The following C3orf49 variants were observed in gnomAD, a reference collection of about 807,000 sequenced individuals.
C3orf49 encodes putative uncharacterized protein C3orf49.
Under a neutral mutation model 13.3 loss-of-function variants are expected in C3orf49, and 27 were observed. The observed-to-expected ratio is 2.02, with a 90% CI of 1.49 to 2.79. The LOEUF (loss-of-function observed/expected upper bound fraction) is 2.79, where lower values mean the gene tolerates loss of function less well. C3orf49 is among the 30% of genes most tolerant of loss of function. The probability of loss-of-function intolerance (pLI) is 0.00; values close to 1 mark genes in which losing one functional copy is unlikely to be tolerated. For synonymous variants in C3orf49, 87 were observed against 47.6 expected (o/e 1.83, Z -3.40); for missense variants, 242 against 134.2 (o/e 1.80, Z -3.97).
In C3orf49 at chr3:63,825,984, G is replaced by T. The variant is rs571439471; in HGVS notation, c.446-1617G>T. On this transcript the variant is annotated intron_variant, in intron 2 of 6. Transcript: ENST00000295896. ...TAAAGATGGCTTACACAAGGTGGAGGGGGGAGAACAGTTTCCCAGGAATAA... is the reference window on the plus strand; with the variant it reads ...TAAAGATGGCTTACACAAGGTGGAGTGGGGAGAACAGTTTCCCAGGAATAA... Among the ~76,000 whole-genome samples, 25 of 152,286 alleles carry T rather than the reference G, an allele frequency of 1.6e-4. No homozygotes were observed. In the South Asian group the frequency reaches 5.0e-3, roughly 30 times the overall value.
At chr3:63,844,791 T>A (rs2107138953) in intron 5 of C3orf49, among the ~76,000 whole-genome samples, 1 of 152,334 alleles carries the variant, frequency 6.6e-6, no homozygotes, top group East Asian at 1.9e-4. Flanking sequence ...GATCTTGAAT[T>A]TCCCACCCTC....
chr3:63,816,834 G>A (rs1255085869), upstream of C3orf49, among the ~76,000 whole-genome samples: 1 of 140,862 alleles, frequency 7.1e-6, no homozygotes, highest in East Asian at 2.2e-4. Context: ...GTGCAGTGGC[G>A]CGATCTCGGC....
chr3:63,816,596 CAACA>C (rs1701326812), upstream of C3orf49, among the ~76,000 whole-genome samples: 2 of 150,832 alleles, frequency 1.3e-5, no homozygotes, highest in African/African-American at 2.4e-5. Context: ...ACAACAACAA[CAACA>C]AACAAACCAA....
At chr3:63,808,042 G>C in the C3orf49 span, among the ~76,000 whole-genome samples, 15 of 152,008 alleles carry the variant, frequency 9.9e-5, no homozygotes, top group Non-Finnish European at 1.9e-4. Context: ...CATAATGAAC[G>C]AACTTTCCGA....
upstream of C3orf49, among the ~76,000 whole-genome samples, chr3:63,814,631 G>A (rs1260814289): frequency 2.0e-5 from 3 of 152,162 alleles, no homozygotes; most frequent in South Asian, 2.1e-4. Flanking sequence ...ACAAATGTCC[G>A]GGGAATGATC....
chr3:63,823,438 C>G lies in C3orf49; in HGVS notation c.314C>G (p.Ala105Gly). 1.4e-6 allele frequency: 1 copy of G among 703,248 alleles called. No homozygotes were observed. The highest frequency in any genetic ancestry group is 2.6e-6 in the Non-Finnish European group (1 of 385,078). 43.6% of individuals were successfully genotyped at this position (703,248 alleles called of 1,614,324 possible). Residue 105 changes from alanine (A) to glycine (G), a missense_variant, in exon 2 of 7, where the codon GCC becomes GGC. Ala to Gly is a moderately conservative substitution (Grantham distance 60, BLOSUM62 0). Coordinates refer to ENST00000295896, the MANE Select transcript of C3orf49 (RefSeq NM_001355236.2). ...AAGTATAGAAGCAAGCCAGCATGTG[C>G]CAGCCAAGAGGGCTCCACTGACCAT... ...SYKYRSKPAC[A>G]SQEGSTDHKE...
the C3orf49 span, among the ~76,000 whole-genome samples, chr3:63,783,724 A>T: frequency 6.7e-6 from 1 of 150,296 alleles, no homozygotes; most frequent in East Asian, 1.9e-4. Flanking sequence ...TCTCAAAAAA[A>T]AATTAAATTA....
At chr3:63,787,959 T>C in the C3orf49 span, among the ~76,000 whole-genome samples, 31 of 152,340 alleles carry the variant, frequency 2.0e-4, no homozygotes, top group African/African-American at 7.2e-4. Flanking sequence ...TCATGACTAT[T>C]TGCTTTTAGA....
At chr3:63,835,236 G>GA in intron 5 of C3orf49, 1 of 1,613,238 alleles carries the variant, frequency 6.2e-7, no homozygotes, top group Admixed American at 1.7e-5. Flanking sequence ...GTGTTAACAA[G>GA]AAAAAAATTT....
chr3:63,846,390 CTAGTA>C (rs1289036667), intron 6 of C3orf49, among the ~76,000 whole-genome samples: 1 of 152,028 alleles, frequency 6.6e-6, no homozygotes, highest in Non-Finnish European at 1.5e-5. Flanking sequence ...CAGGGTCTTA[CTAGTA>C]ACTTATTATT....
intron 6 of C3orf49, 67 bp downstream of exon 6, chr3:63,845,149 TC>T: frequency 1.6e-6 from 1 of 625,296 alleles, no homozygotes; most frequent in South Asian, 1.9e-5. Context: ...GAGGGTTAAG[TC>T]CCCCTCAGAT....
chr3:63,839,219 G>A (rs531775124), intron 5 of C3orf49, among the ~76,000 whole-genome samples: 1 of 152,206 alleles, frequency 6.6e-6, no homozygotes, highest in East Asian at 1.9e-4. Context: ...ATACGTGTGT[G>A]CGTGTGTATC....
At chr3:63,824,187 T>G (rs1428447059) in intron 2 of C3orf49, among the ~76,000 whole-genome samples, 1 of 152,088 alleles carries the variant, frequency 6.6e-6, no homozygotes, top group Non-Finnish European at 1.5e-5. Context: ...ACTTTTTATT[T>G]AAATATATAT....
chr3:63,781,468 T>C, the C3orf49 span, among the ~76,000 whole-genome samples: 254 of 152,318 alleles, frequency 1.7e-3, no homozygotes, highest in Middle Eastern at 0.014. Context: ...GACTTGGCAA[T>C]GCGGGCTCTT....
chr3:63,834,471 C>A (rs910277453), intron 5 of C3orf49, among the ~76,000 whole-genome samples: 3 of 151,784 alleles, frequency 2.0e-5, no homozygotes, highest in African/African-American at 4.8e-5. Context: ...ACCAGCCTGG[C>A]CTACATGGTA....
At chr3:63,804,559 C>T in the C3orf49 span, among the ~76,000 whole-genome samples, 1 of 152,160 alleles carries the variant, frequency 6.6e-6, no homozygotes, top group East Asian at 1.9e-4. Flanking sequence ...CCTATGCATT[C>T]TGCAGATTGC....
At chr3:63,817,413 CTGGTGTCTAGGG>C (rs150270761), upstream of C3orf49, among the ~76,000 whole-genome samples, 12,544 of 152,046 alleles carry the variant, frequency 0.083, 1,226 homozygotes, top group African/African-American at 0.23. Flanking sequence ...TGCAGTATCC[CTGGTGTCTAGGG>C]TGGTGTCTAG....
At chr3:63,835,256 A>G (rs1701605806) in intron 5 of C3orf49, 1 of 1,612,626 alleles carries the variant, frequency 6.2e-7, no homozygotes, top group Non-Finnish European at 8.5e-7. Flanking sequence ...TATACAAATG[A>G]CCTGTATATA....
At chr3:63,827,533 A>T in intron 2 of C3orf49, 68 bp from the exon 3 acceptor site, 1 of 647,750 alleles carries the variant, frequency 1.5e-6, no homozygotes. Context: ...AGAATACTGT[A>T]TTTTTAACAG....
Sources: allele counts gnomAD v4.1 joint callset (sites outside exome capture counted in the v4.1 genomes callset), GRCh38; gene constraint gnomAD v4.1.1; transcripts MANE v1.5; gene names NCBI Gene and HGNC (gene_info 2026-07-23, HGNC 2026-07-21).